The following EDA variants were observed in gnomAD, a reference collection of about 807,000 sequenced individuals.
EDA encodes ectodysplasin-A.
Under a neutral mutation model 23.6 loss-of-function variants are expected in EDA, and 2 were observed. The observed-to-expected ratio is 0.08, with a 90% CI of 0.03 to 0.27. EDA has a LOEUF of 0.27. Ranked by LOEUF, EDA falls within the 10% of genes least tolerant of loss-of-function variation. EDA has a pLI of 1.00. For missense variants in EDA, 229 were observed against 324.2 expected, an observed-to-expected ratio of 0.71 and a Z score of 2.26; for synonymous variants, 131 against 132.0, an observed-to-expected ratio of 0.99 and a Z score of 0.05.
intron 2 of EDA, among the ~76,000 whole-genome samples, chrX:69,991,475 G>T (rs2019588211): frequency 9.0e-6 from 1 of 110,895 alleles, no homozygotes. Flanking sequence ...AACAGAAGGT[G>T]CTTCCATGGA....
intron 1 of EDA, among the ~76,000 whole-genome samples, chrX:69,712,174 C>T (rs1318333769): frequency 1.8e-5 from 2 of 110,894 alleles, no homozygotes; most frequent in Admixed American, 1.9e-4. Context: ...GAATGTGTCC[C>T]AGAGATTCTG....
intron 1 of EDA, among the ~76,000 whole-genome samples, chrX:69,920,097 AT>A (rs2018406372): frequency 9.1e-6 from 1 of 110,096 alleles, no homozygotes; most frequent in African/African-American, 3.3e-5. Context: ...TAGAAATACC[AT>A]TTTTTCCCTT....
intron 1 of EDA, among the ~76,000 whole-genome samples, chrX:69,929,531 AC>A (rs758178769): frequency 3.1e-4 from 34 of 109,741 alleles, no homozygotes; most frequent in African/African-American, 9.6e-4. Context: ...CTGAGGTTAA[AC>A]AACTACCCTG....
intron 1 of EDA, among the ~76,000 whole-genome samples, chrX:69,795,323 C>T (rs181270904): frequency 1.8e-5 from 2 of 112,293 alleles, no homozygotes; most frequent in East Asian, 5.6e-4. Context: ...ACAGCTCAGC[C>T]TCTGACATAC....
rs957434649 is a variant in EDA at position 69,771,318 on chromosome X, A to G, written c.396+154614A>G. 7.2e-5 allele frequency among the ~76,000 whole-genome samples: 8 copies of G among 111,174 alleles called. No individual in the cohort carries two copies. The South Asian group carries it at 1.5e-3, about 21-fold the overall frequency. ...CGTGACCTGCCCACCTCGGCCTCCCAAAGTGCTGGGATTACACGCGTGAGC... is the reference window on the plus strand; with the variant it reads ...CGTGACCTGCCCACCTCGGCCTCCCGAAGTGCTGGGATTACACGCGTGAGC... On this transcript the variant is annotated intron_variant, in intron 1 of 7. Transcript: ENST00000374552.
At chrX:69,827,276 A>G (rs940813456) in intron 1 of EDA, among the ~76,000 whole-genome samples, 1 of 112,050 alleles carries the variant, frequency 8.9e-6, no homozygotes, top group Non-Finnish European at 1.9e-5. Context: ...GTTCTCCTGG[A>G]TAATATCTTG....
chrX:69,818,925 A>G (rs1211049847), intron 1 of EDA, among the ~76,000 whole-genome samples: 1 of 111,886 alleles, frequency 8.9e-6, no homozygotes, highest in Non-Finnish European at 1.9e-5. Context: ...GAAAAAGAAA[A>G]CTTCAGGCCA....
intron 1 of EDA, among the ~76,000 whole-genome samples, chrX:69,780,614 G>A (rs913460702): frequency 1.7e-4 from 19 of 111,349 alleles, no homozygotes; most frequent in African/African-American, 5.5e-4. Flanking sequence ...GGTACCTGGT[G>A]AGAAGTGATT....
At chrX:70,019,321 A>C (rs1402806934) in intron 2 of EDA, among the ~76,000 whole-genome samples, 1 of 112,128 alleles carries the variant, frequency 8.9e-6, no homozygotes, top group Non-Finnish European at 1.9e-5. Flanking sequence ...ATTAGCATGC[A>C]ACCCAGCAAT....
chrX:70,023,076 C>A, intron 2 of EDA, 142 bp from the exon 3 acceptor site: 1 of 365,614 alleles, frequency 2.7e-6, no homozygotes, highest in East Asian at 4.4e-5. Context: ...ATAGTTGGAT[C>A]CTTGCCAAAA....
rs749225974 is a variant in EDA at position 69,899,283 on chromosome X, C to T, written c.397-57744C>T. 9.8e-5 allele frequency among the ~76,000 whole-genome samples: 11 copies of T among 111,734 alleles called. No individual in the cohort carries two copies. The South Asian group carries it at 3.8e-3, about 38-fold the overall frequency. On this transcript the variant is annotated intron_variant, in intron 1 of 7. Coordinates refer to ENST00000374552, the MANE Select transcript of EDA (RefSeq NM_001399.5). ...GCTGTAATAGCCTCATCAAATGGTC[C>T]ATGTTAATCACAGCAACTAGCAATT... is the stretch of plus-strand genomic sequence containing the variant.
At chrX:69,650,543 TTGTA>T (rs1933072127) in intron 1 of EDA, among the ~76,000 whole-genome samples, 1 of 111,576 alleles carries the variant, frequency 9.0e-6, no homozygotes, top group African/African-American at 3.3e-5. Flanking sequence ...CAATAATTGA[TTGTA>T]TATTTCAAAA....
chrX:69,899,851 C>T (rs1000477100), intron 1 of EDA, among the ~76,000 whole-genome samples: 1 of 111,236 alleles, frequency 9.0e-6, no homozygotes, highest in African/African-American at 3.3e-5. Flanking sequence ...TTTCTAAACT[C>T]CTAGCCTACT....
intron 1 of EDA, among the ~76,000 whole-genome samples, chrX:69,930,693 A>G (rs2018586404): frequency 9.0e-6 from 1 of 111,280 alleles, no homozygotes; most frequent in Non-Finnish European, 1.9e-5. Context: ...TAAGGAAGCA[A>G]TAAATAAGAG....
At chrX:69,856,795 A>G (rs2017265722) in intron 1 of EDA, among the ~76,000 whole-genome samples, 1 of 110,817 alleles carries the variant, frequency 9.0e-6, no homozygotes, top group Non-Finnish European at 1.9e-5. Flanking sequence ...ATAGTTTGCA[A>G]AGATTTTCTC....
intron 1 of EDA, among the ~76,000 whole-genome samples, chrX:69,645,604 A>ATATATATAGATGTGTG (rs1932908225): frequency 2.6e-5 from 1 of 38,559 alleles, no homozygotes. Context: ...GTGTGTGTGT[A>ATATATATAGATGTGTG]TATATATATA....
chrX:69,728,116 A>G lies in EDA; in HGVS notation c.396+111412A>G, dbSNP rs2012875262. Among the ~76,000 whole-genome samples, 5 of 110,153 alleles carry G rather than the reference A, an allele frequency of 4.5e-5. No individual in the cohort carries two copies. The South Asian group carries it at 2.0e-3, about 45-fold the overall frequency. On this transcript the variant is annotated intron_variant, in intron 1 of 7. Transcript: ENST00000374552. ...AAAAATTAGCTGGGCATGGTGGCGC[A>G]TGCCTGTAGTCCCAGCTACTCGGGA...
At chrX:69,681,902 T>G (rs1934369141) in intron 1 of EDA, among the ~76,000 whole-genome samples, 1 of 111,181 alleles carries the variant, frequency 9.0e-6, no homozygotes, top group Non-Finnish European at 1.9e-5. Context: ...GGCGCTGTGC[T>G]TTTTAGAGTT....
intron 1 of EDA, among the ~76,000 whole-genome samples, chrX:69,822,785 G>A (rs1250187681): frequency 9.3e-6 from 1 of 107,873 alleles, no homozygotes; most frequent in Non-Finnish European, 1.9e-5. Context: ...CCATGCTGGT[G>A]CGCTGCACCC....
Sources: allele counts gnomAD v4.1 joint callset (sites outside exome capture counted in the v4.1 genomes callset), GRCh38; gene constraint gnomAD v4.1.1; transcripts MANE v1.5; gene names NCBI Gene and HGNC (gene_info 2026-07-23, HGNC 2026-07-21).